NR3C2: variants seen among roughly 807,000 people sequenced by gnomAD.
NR3C2 encodes mineralocorticoid receptor.
A neutral mutation model predicts 86.4 loss-of-function variants in NR3C2; 15 were observed. The observed-to-expected ratio is 0.17, with a 90% CI of 0.12 to 0.27. The LOEUF (loss-of-function observed/expected upper bound fraction) is 0.27, where lower values mean the gene tolerates loss of function less well. Ranked by LOEUF, NR3C2 falls within the 10% of genes least tolerant of loss-of-function variation. The pLI is 1.00. For synonymous variants in NR3C2, 458 were observed against 450.5 expected, an observed-to-expected ratio of 1.02 and a Z score of -0.21; for missense variants, 960 against 1,195.6, an observed-to-expected ratio of 0.80 and a Z score of 2.91.
intron 4 of NR3C2, among the ~76,000 whole-genome samples, chr4:148,166,063 T>C (rs72653824): frequency 7.2e-5 from 11 of 152,216 alleles, no homozygotes; most frequent in Non-Finnish European, 1.3e-4. Context: ...ACTGACATTA[T>C]CAAAACTAGT....
chr4:148,354,561 G>A (rs1745458493), intron 2 of NR3C2, among the ~76,000 whole-genome samples: 1 of 152,020 alleles, frequency 6.6e-6, no homozygotes, highest in South Asian at 2.1e-4. Context: ...CCAAAGAATT[G>A]TATTAACAAA....
chr4:148,363,506 C>CTTTTTTTTTTTTTTTTTTTTTTT (rs58978966), intron 2 of NR3C2, among the ~76,000 whole-genome samples: 6 of 110,772 alleles, frequency 5.4e-5, no homozygotes, highest in African/African-American at 1.7e-4. Context: ...TCATAGATCT[C>CTTTTTTTTTTTTTTTTTTTTTTT]TTTTTTTTTT....
intron 2 of NR3C2, among the ~76,000 whole-genome samples, chr4:148,326,234 CAAAAAAA>C (rs11381917): frequency 7.5e-6 from 1 of 133,758 alleles, no homozygotes; most frequent in African/African-American, 2.7e-5. Context: ...ACTAAAAATA[CAAAAAAA>C]AAAAAAAAAA....
At chr4:148,442,633 C>T, upstream of NR3C2, 1 of 985,508 alleles carries the variant, frequency 1.0e-6, no homozygotes, top group South Asian at 4.7e-5. Context: ...AGGCGGGCTT[C>T]TTATTGGACA....
chr4:148,363,793 G>A (rs932818934), intron 2 of NR3C2, among the ~76,000 whole-genome samples: 3 of 152,016 alleles, frequency 2.0e-5, no homozygotes, highest in Non-Finnish European at 2.9e-5. Context: ...GTGAGCCACC[G>A]CGCCCAGCCG....
intron 4 of NR3C2, among the ~76,000 whole-genome samples, chr4:148,187,639 G>A (rs1735991962): frequency 6.6e-6 from 1 of 151,820 alleles, no homozygotes; most frequent in Non-Finnish European, 1.5e-5. Flanking sequence ...CCCACTCTGT[G>A]GGTCATCTGT....
At chr4:148,383,450 T>G (rs1747101591) in intron 2 of NR3C2, among the ~76,000 whole-genome samples, 1 of 152,068 alleles carries the variant, frequency 6.6e-6, no homozygotes, top group African/African-American at 2.4e-5. Flanking sequence ...AAATTACGGG[T>G]TTTTAATACT....
chr4:148,230,161 G>A (rs1311290448), intron 3 of NR3C2, among the ~76,000 whole-genome samples: 5 of 152,086 alleles, frequency 3.3e-5, no homozygotes, highest in African/African-American at 1.2e-4. Context: ...TTACAGGGGA[G>A]AACAGAGAGA....
chr4:148,082,799 T>G (rs1377391838), intron 8 of NR3C2, among the ~76,000 whole-genome samples: 1 of 151,514 alleles, frequency 6.6e-6, no homozygotes, highest in Non-Finnish European at 1.5e-5. Flanking sequence ...CCACGGAGCC[T>G]AGCAAGCTAA....
Position 148,377,814 on chromosome 4 carries a change from C to T in NR3C2, c.1757+57290G>A, listed in dbSNP as rs145181842. Among the ~76,000 whole-genome samples, 390 of 151,936 alleles carry T rather than the reference C, an allele frequency of 2.6e-3. 2 individuals carry two copies. Among genetic ancestry groups the T allele is most frequent in the African/African-American group, 9.0e-3 (371 of 41,448 alleles). ...TCTGTTTCCATTGTTCTGTTCCTTGCCTTTGGTGGCAGGTGGAGAAGAGAT... is the reference window on the plus strand; with the variant it reads ...TCTGTTTCCATTGTTCTGTTCCTTGTCTTTGGTGGCAGGTGGAGAAGAGAT... On this transcript the variant is annotated intron_variant, in intron 2 of 8. Coordinates refer to ENST00000358102, the MANE Select transcript of NR3C2 (RefSeq NM_000901.5).
intron 6 of NR3C2, among the ~76,000 whole-genome samples, chr4:148,150,755 C>A (rs1734066535): frequency 6.6e-6 from 1 of 152,106 alleles, no homozygotes; most frequent in African/African-American, 2.4e-5. Flanking sequence ...TAAATGCAGT[C>A]AGTAAGCAAA....
chr4:148,142,490 C>T (rs936550887), intron 6 of NR3C2, among the ~76,000 whole-genome samples: 6 of 152,082 alleles, frequency 3.9e-5, no homozygotes, highest in East Asian at 3.9e-4. Flanking sequence ...CAGGGGTGCA[C>T]GTCTTTCTTC....
At chr4:148,207,474 T>G (rs1236852683) in intron 3 of NR3C2, among the ~76,000 whole-genome samples, 1 of 152,338 alleles carries the variant, frequency 6.6e-6, no homozygotes, top group East Asian at 1.9e-4. Context: ...TTGGCTAAAT[T>G]TGTTTAAAAT....
At chr4:148,316,955 C>T (rs1304701153) in intron 2 of NR3C2, among the ~76,000 whole-genome samples, 1 of 151,992 alleles carries the variant, frequency 6.6e-6, no homozygotes, top group Non-Finnish European at 1.5e-5. Context: ...GCGCACACCA[C>T]CATTTCCAGC....
intron 2 of NR3C2, among the ~76,000 whole-genome samples, chr4:148,419,225 T>C (rs889975579): frequency 1.3e-5 from 2 of 152,126 alleles, no homozygotes; most frequent in African/African-American, 4.8e-5. Context: ...CAACTATAAA[T>C]GTTCTATTGG....
At chr4:148,171,270 C>G (rs1735111662) in intron 4 of NR3C2, among the ~76,000 whole-genome samples, 1 of 152,170 alleles carries the variant, frequency 6.6e-6, no homozygotes, top group Non-Finnish European at 1.5e-5. Flanking sequence ...CTATTCCATG[C>G]CAATTTAAGT....
chr4:148,201,746 T>A (rs1471371257), intron 3 of NR3C2, among the ~76,000 whole-genome samples: 2 of 152,166 alleles, frequency 1.3e-5, no homozygotes, highest in Non-Finnish European at 2.9e-5. Flanking sequence ...TTTCTGTTTT[T>A]CTCTGGCTCC....
At chr4:148,149,464 G>A (rs377113209) in intron 6 of NR3C2, among the ~76,000 whole-genome samples, 3 of 151,966 alleles carry the variant, frequency 2.0e-5, no homozygotes, top group South Asian at 4.2e-4. Context: ...TTACAATTCT[G>A]TAATTGTTTG....
chr4:148,282,322 G>A (rs1030743840), intron 2 of NR3C2, among the ~76,000 whole-genome samples: 5 of 152,114 alleles, frequency 3.3e-5, no homozygotes, highest in African/African-American at 1.2e-4. Flanking sequence ...GAGCCACTGT[G>A]CCCGGCCATA....
Sources: gnomAD v4.1 joint callset for allele counts (sites outside exome capture counted in the v4.1 genomes callset) on GRCh38, gnomAD v4.1.1 for gene constraint, MANE v1.5 for transcripts, NCBI Gene and HGNC (gene_info 2026-07-23, HGNC 2026-07-21) for gene names.